LAMP1: variants seen among roughly 807,000 people sequenced by gnomAD.
The protein encoded by LAMP1 is lysosome associated membrane protein 1.
A neutral mutation model predicts 37.5 loss-of-function variants in LAMP1; 7 were observed. The ratio of observed to expected loss-of-function variants is 0.19; its 90% CI spans 0.11 to 0.35. LAMP1 has a LOEUF of 0.35. LAMP1 is among the 10% of genes least tolerant of loss of function. LAMP1 has a pLI of 1.00. For missense variants in LAMP1, 537 were observed against 552.8 expected (o/e 0.97, Z 0.29); for synonymous variants, 236 against 229.1 (o/e 1.03, Z -0.27).
rs200032545 is a variant in LAMP1 at position 113,309,668 on chromosome 13, A to G, written c.209A>G (p.Asp70Gly). Reference sequence around the variant, plus strand: ...AACATGACCTTTGACCTGCCATCAGATGCCACAGTGGTGCTCAACCGCAGC... The same window carrying G: ...AACATGACCTTTGACCTGCCATCAGGTGCCACAGTGGTGCTCAACCGCAGC... ...PKNMTFDLPSDATVVLNRSSC... is the reference protein window; with the variant it reads ...PKNMTFDLPSGATVVLNRSSC... The change falls in exon 3 of 9, where the codon GAT becomes GGT. Residue 70 changes from aspartate (D) to glycine (G), a missense_variant. Coordinates refer to ENST00000332556, the MANE Select transcript of LAMP1 (RefSeq NM_005561.4). 28 of 1,613,604 alleles carry G rather than the reference A, an allele frequency of 1.7e-5. No homozygotes were observed. Among genetic ancestry groups the G allele is most frequent in the Non-Finnish European group, 2.3e-5 (27 of 1,179,734 alleles).
intron 4 of LAMP1, among the ~76,000 whole-genome samples, chr13:113,316,843 C>T (rs2042668014): frequency 6.6e-6 from 1 of 150,510 alleles, no homozygotes. Context: ...GCACTCTAGC[C>T]TGGGTGGCAG....
intron 1 of LAMP1, among the ~76,000 whole-genome samples, chr13:113,302,843 G>T (rs2042581163): frequency 1.3e-5 from 2 of 152,168 alleles, no homozygotes; most frequent in South Asian, 2.1e-4. Context: ...CTAGGTCTCC[G>T]CCACTCACTA....
rs1057434890 is a variant in LAMP1, at chr13:113,321,836, C to G, written c.1114+109C>G. 9.4e-7 allele frequency: 1 copy of G among 1,062,580 alleles called. No individual in the cohort carries two copies. The highest frequency in any genetic ancestry group is 2.4e-5 in the East Asian group (1 of 41,048). The allele number at this position is 1,062,580 out of a possible 1,614,324, so 65.8% of individuals were successfully genotyped here. A position where few individuals can be genotyped will look rare whatever the true frequency, so the allele number is the denominator to read the frequency against. The stretch of plus-strand genomic sequence containing the variant: ...GGGCTGGGGCGACGCCCCTGTTCCT[C>G]TGCAAGGAGCTGTTTCTTCTTGCCG... On this transcript the variant is annotated intron_variant, in intron 8 of 8. Coordinates refer to ENST00000332556, the MANE Select transcript of LAMP1 (RefSeq NM_005561.4). The surrounding 1 kb of genome is among the most constrained non-coding windows in gnomAD (Gnocchi z 5.6).
chr13:113,318,770 G>A (rs1202264036), intron 4 of LAMP1, among the ~76,000 whole-genome samples: 2 of 151,658 alleles, frequency 1.3e-5, no homozygotes, highest in Non-Finnish European at 2.9e-5. Context: ...TCTCCCTCGT[G>A]AGGATGCTTG....
chr13:113,318,938 G>T (rs945855509), intron 4 of LAMP1, among the ~76,000 whole-genome samples: 2 of 152,156 alleles, frequency 1.3e-5, no homozygotes, highest in South Asian at 4.1e-4. Flanking sequence ...CCACCTGGCC[G>T]GTCTGTGTGT....
At position 113,297,445 on chromosome 13, in the gene LAMP1, C is replaced by T. The variant is rs1206826960; in HGVS notation, c.11C>T (p.Pro4Leu). Residue 4 changes from proline to leucine, a missense_variant, in exon 1 of 9, where the codon CCC (proline) becomes CTC (leucine). Pro to Leu is a moderately conservative substitution (Grantham distance 98). Transcript: ENST00000332556. This position sits in a 1 kb window ranked among gnomAD's most constrained non-coding sequence, Gnocchi z 4.4. ...CGGCCGCCTCGCGCCATGGCGGCCC[C>T]CGGCAGCGCCCGGCGACCCCTGCTG... MAAPGSARRPLLLL... is the reference protein window; with the variant it reads MAALGSARRPLLLL... 6 of 1,098,882 alleles carry T rather than the reference C, an allele frequency of 5.5e-6. No homozygotes were observed. The Admixed American group carries it at 1.2e-4, about 23-fold the overall frequency. 68.1% of individuals were successfully genotyped at this position (1,098,882 alleles called of 1,614,324 possible).
chr13:113,305,382 G>A (rs1052843475), intron 1 of LAMP1: 2 of 152,326 alleles, frequency 1.3e-5, no homozygotes, highest in East Asian at 3.9e-4. Flanking sequence ...TCCAGTGGTG[G>A]CAGATAGGTG....
chr13:113,310,879 A>G lies in LAMP1; in HGVS notation c.562+12A>G, dbSNP rs369025009. 228 of 1,610,812 alleles carry G rather than the reference A, an allele frequency of 1.4e-4. No homozygotes were observed. The African/African-American group carries it at 2.9e-3, about 21-fold the overall frequency. On this transcript the variant is annotated intron_variant, in intron 4 of 8. Coordinates refer to ENST00000332556, the MANE Select transcript of LAMP1 (RefSeq NM_005561.4). ...CTTCAGCCGGGGAGGTAGGACGCTG[A>G]CCCTTGGCCCTCTGGTGCTAGTGGT...
In LAMP1 at chr13:113,315,493, G is replaced by A. The variant is rs907474803; in HGVS notation, c.563-3976G>A. ...CAACCTCTGCCTCCCGGGTTCAAGC[G>A]ATTCTCCTCCCTCAGCCTCCTGAGT... On this transcript the variant is annotated intron_variant, in intron 4 of 8. Coordinates refer to ENST00000332556, the MANE Select transcript of LAMP1 (RefSeq NM_005561.4). Among the ~76,000 whole-genome samples the A allele has an allele frequency of 8.9e-4, 130 of 145,744 alleles. 1 individual carries two copies. The highest frequency in any genetic ancestry group is 3.2e-3 in the African/African-American group (127 of 39,832).
At chr13:113,306,337 C>A (rs1187478359) in intron 1 of LAMP1, 148 bp from the exon 2 acceptor site, 3 of 835,724 alleles carry the variant, frequency 3.6e-6, no homozygotes, top group African/African-American at 2.0e-5. Flanking sequence ...AGCCTGGCGA[C>A]AGTGAGACTC....
chr13:113,319,363 A>G, intron 4 of LAMP1, 106 bp from the exon 5 acceptor site: 1 of 994,062 alleles, frequency 1.0e-6, no homozygotes, highest in Admixed American at 2.6e-5. Flanking sequence ...GTCACCAAGG[A>G]CGCCAGAGTC....
At position 113,323,564 on chromosome 13, in the gene LAMP1, G is replaced by C. The variant is rs1275586896; in HGVS notation, c.*1143G>C. On this transcript the variant is annotated 3_prime_UTR_variant, in exon 9 of 9. Coordinates refer to ENST00000332556, the MANE Select transcript of LAMP1 (RefSeq NM_005561.4). Reference sequence around the variant, plus strand: ...GGGGGTGAGGGTGGTCTTGGTGCCAGACGTAGGGAATGGTGTTGGGAGTGG... The same window carrying C: ...GGGGGTGAGGGTGGTCTTGGTGCCACACGTAGGGAATGGTGTTGGGAGTGG... 1.3e-5 allele frequency: 2 copies of C among 151,888 alleles called. No individual in the cohort carries two copies. Among genetic ancestry groups the C allele is most frequent in the Non-Finnish European group, 2.9e-5 (2 of 68,022 alleles). 9.4% of individuals were successfully genotyped at this position (151,888 alleles called of 1,614,324 possible).
intron 5 of LAMP1, 112 bp downstream of exon 5, chr13:113,319,768 G>A: frequency 9.5e-7 from 1 of 1,052,056 alleles, no homozygotes; most frequent in South Asian, 1.6e-5. Flanking sequence ...AAGTCAGGAT[G>A]GGAGCTTAGC....
Position 113,320,483 on chromosome 13 carries a change from C to T in LAMP1, c.876+13C>T, listed in dbSNP as rs370841581. 116 of 1,603,540 alleles carry T rather than the reference C, an allele frequency of 7.2e-5. No individual in the cohort carries two copies. In the South Asian group the frequency reaches 8.0e-4, roughly 11 times the overall value. On this transcript the variant is annotated intron_variant, in intron 6 of 8. Coordinates refer to ENST00000332556, the MANE Select transcript of LAMP1 (RefSeq NM_005561.4). This position sits in a 1 kb window ranked among gnomAD's most constrained non-coding sequence, Gnocchi z 4.4. ...CCAGTTCGGGATGGTGAGGCTGGGG[C>T]GGCACCTCTCTGGGGGCGCCCACTG...
Position 113,320,418 on chromosome 13 carries a change from C to T in LAMP1, c.824C>T (p.Thr275Ile), listed in dbSNP as rs754605658. The T allele has an allele frequency of 1.2e-6, 2 of 1,612,668 alleles. No individual in the cohort carries two copies. The highest frequency in any genetic ancestry group is 1.7e-5 in the Admixed American group (1 of 60,008). Residue 275 changes from threonine to isoleucine, a missense_variant, in exon 6 of 9, where the codon ACT (threonine) becomes ATT (isoleucine). Thr to Ile is a moderately conservative substitution (Grantham distance 89). Coordinates refer to ENST00000332556, the MANE Select transcript of LAMP1 (RefSeq NM_005561.4). The surrounding 1 kb of genome is among the most constrained non-coding windows in gnomAD (Gnocchi z 4.4). ...ASGSCGAHLVTLELHSEGTTV... is the reference protein window; with the variant it reads ...ASGSCGAHLVILELHSEGTTV... ...GGGAGCTGCGGCGCCCACCTGGTGA[C>T]TCTGGAGCTGCACAGCGAGGGCACC...
Position 113,320,465 on chromosome 13 carries a change from G to T in LAMP1, c.871G>T (p.Gly291Trp). 1.2e-6 allele frequency: 2 copies of T among 1,607,254 alleles called. No homozygotes were observed. The highest frequency in any genetic ancestry group is 1.7e-6 in the Non-Finnish European group (2 of 1,179,790). ...EGTTVLLFQF[G>W]MNASSSRFFL... ...CACCACCGTCCTGCTCTTCCAGTTC[G>T]GGATGGTGAGGCTGGGGCGGCACCT... The change falls in exon 6 of 9, where the codon GGG becomes TGG. Residue 291 changes from glycine to tryptophan, a missense_variant. Gly to Trp is a radical substitution (Grantham distance 184). Coordinates refer to ENST00000332556, the MANE Select transcript of LAMP1 (RefSeq NM_005561.4). This position sits in a 1 kb window ranked among gnomAD's most constrained non-coding sequence, Gnocchi z 4.4.
chr13:113,319,801 A>T, intron 5 of LAMP1, 145 bp downstream of exon 5: 1 of 741,876 alleles, frequency 1.3e-6, no homozygotes, highest in South Asian at 1.9e-5. Context: ...ACCCTAGAGG[A>T]CAAGAGCTGG....
rs1395459663 is a variant in LAMP1, at chr13:113,297,649, TTCTC to T, written c.61+157_61+160del. ...GCCGGCTCTGCCCGCGGGCGGGTGTTTCTCTCGGGGTCGTAGGGTCGGAGCGGAG... is the reference window on the plus strand; with the variant it reads ...GCCGGCTCTGCCCGCGGGCGGGTGTTTCGGGGTCGTAGGGTCGGAGCGGAG... On this transcript the variant is annotated intron_variant, in intron 1 of 8. Transcript: ENST00000332556. The surrounding 1 kb of genome is among the most constrained non-coding windows in gnomAD (Gnocchi z 4.4). Among the ~76,000 whole-genome samples, 3 of 152,120 alleles carry T rather than the reference TTCTC, an allele frequency of 2.0e-5. No homozygotes were observed. Among genetic ancestry groups the T allele is most frequent in the Non-Finnish European group, 4.4e-5 (3 of 68,000 alleles).
rs184691437 is a variant in LAMP1 at position 113,321,120 on chromosome 13, C to T, written c.877-284C>T. Reference sequence around the variant, plus strand: ...CACTTGAGCCCAGGAGTTAAGGTTGCGATGAGCCGTGATCACTCCACTGCA... The same window carrying T: ...CACTTGAGCCCAGGAGTTAAGGTTGTGATGAGCCGTGATCACTCCACTGCA... On this transcript the variant is annotated intron_variant, in intron 6 of 8. Transcript: ENST00000332556. The surrounding 1 kb of genome is among the most constrained non-coding windows in gnomAD (Gnocchi z 5.6). The T allele has an allele frequency of 1.2e-3, 488 of 392,946 alleles. 2 individuals carry two copies. The highest frequency in any genetic ancestry group is 4.6e-3 in the South Asian group (202 of 43,588). The allele number at this position is 392,946 out of a possible 1,614,324, so 24.3% of individuals were successfully genotyped here. A position where few individuals can be genotyped will look rare whatever the true frequency, so the allele number is the denominator to read the frequency against.
Sources: gnomAD v4.1 joint callset for allele counts (sites outside exome capture counted in the v4.1 genomes callset) on GRCh38, gnomAD v4.1.1 for gene constraint, Gnocchi (gnomAD v3.1) non-coding constraint, MANE v1.5 for transcripts, NCBI Gene and HGNC (gene_info 2026-07-23, HGNC 2026-07-21) for gene names.